The following MVK variants were observed in gnomAD, a reference collection of about 807,000 sequenced individuals.
MVK encodes mevalonate kinase, also known as LH receptor mRNA-binding protein.
A neutral mutation model predicts 43.2 loss-of-function variants in MVK; 34 were observed. That is an observed-to-expected ratio of 0.79 (90% CI 0.60 to 1.05). MVK has a LOEUF of 1.05. Ranked by LOEUF, MVK falls within the 50% of genes least tolerant of loss-of-function variation. The probability of loss-of-function intolerance (pLI) is 0.00; values close to 1 mark genes in which losing one functional copy is unlikely to be tolerated. For synonymous variants in MVK, 190 were observed against 219.8 expected (o/e 0.86, Z 1.20); for missense variants, 395 against 504.0 (o/e 0.78, Z 2.07).
In MVK at chr12:109,576,097, C is replaced by T. The variant is rs202167435; in HGVS notation, c.178C>T (p.Arg60Trp). ...DLSLPNIGIKRAWDVARLQSL... is the reference protein window; with the variant it reads ...DLSLPNIGIKWAWDVARLQSL... ...CAGCTTACCCAACATTGGTATCAAG[C>T]GGGCCTGGGATGTGGCCAGGCTTCA... Residue 60 changes from arginine (R) to tryptophan (W), a missense_variant, in exon 3 of 11, where the codon CGG becomes TGG. By Grantham distance (101) the Arg-to-Trp change is moderately radical. Coordinates refer to ENST00000228510, the MANE Select transcript of MVK (RefSeq NM_000431.4). The T allele has an allele frequency of 2.5e-5, 40 of 1,614,146 alleles. No homozygotes were observed. The highest frequency in any genetic ancestry group is 5.0e-5 in the Admixed American group (3 of 60,022).
At chr12:109,592,308 C>A (rs1450943049) in intron 9 of MVK, among the ~76,000 whole-genome samples, 2 of 152,192 alleles carry the variant, frequency 1.3e-5, no homozygotes, top group Non-Finnish European at 2.9e-5. Flanking sequence ...AGCCCAGGCT[C>A]CCCCTGGACA....
rs561809093 is a variant in MVK, at chr12:109,597,660, C to G, written c.*1083C>G. 6.6e-6 allele frequency: 1 copy of G among 152,270 alleles called. No homozygotes were observed. Among genetic ancestry groups the G allele is most frequent in the Non-Finnish European group, 1.5e-5 (1 of 68,132 alleles). 9.4% of individuals were successfully genotyped at this position (152,270 alleles called of 1,614,324 possible). On this transcript the variant is annotated 3_prime_UTR_variant, in exon 11 of 11. Transcript: ENST00000228510. Reference sequence around the variant, plus strand: ...CCCGGGTGCCTGGCACTCCCCACCCCCGCCCCCCACCGGCCCTATTTGAAC... The same window carrying G: ...CCCGGGTGCCTGGCACTCCCCACCCGCGCCCCCCACCGGCCCTATTTGAAC...
Position 109,595,170 on chromosome 12 carries a change from T to A in MVK, c.1028T>A (p.Leu343His). 1.9e-6 allele frequency: 3 copies of A among 1,613,724 alleles called. No individual in the cohort carries two copies. Among genetic ancestry groups the A allele is most frequent in the Non-Finnish European group, 2.5e-6 (3 of 1,179,892 alleles). ...GGCGGTGGTGGCTGTGGCATCACAC[T>A]CCTCAAGCCAGGTATCCCGGGGGTA... is the stretch of plus-strand genomic sequence containing the variant. ...GAGGGGCGIT[L>H]LKPGLEQPEV... The change falls in exon 10 of 11, where the codon CTC becomes CAC. Residue 343 changes from leucine (L) to histidine (H), a missense_variant. By Grantham distance (99) the Leu-to-His change is moderately conservative (BLOSUM62 -3). Coordinates refer to ENST00000228510, the MANE Select transcript of MVK (RefSeq NM_000431.4). The surrounding 1 kb of genome is among the most constrained non-coding windows in gnomAD (Gnocchi z 5.9).
At chr12:109,576,190 G>T in intron 3 of MVK, 45 bp downstream of exon 3, 1 of 1,612,552 alleles carries the variant, frequency 6.2e-7, no homozygotes, top group Non-Finnish European at 8.5e-7. Flanking sequence ...AGCCTACAGA[G>T]AGGGCAGCTG....
intron 5 of MVK, among the ~76,000 whole-genome samples, chr12:109,583,898 C>G (rs1194869898): frequency 6.6e-6 from 1 of 152,198 alleles, no homozygotes; most frequent in Non-Finnish European, 1.5e-5. Context: ...CTGTTTTGCT[C>G]CCTACTAGGA....
intron 4 of MVK, 80 bp from the exon 5 acceptor site, chr12:109,581,315 C>T: frequency 6.3e-7 from 1 of 1,584,466 alleles, no homozygotes; most frequent in Admixed American, 1.7e-5. Context: ...TGGAGTCAGG[C>T]CTGGGCCTGG....
Position 109,596,432 on chromosome 12 carries a change from A to T in MVK, c.1046A>T (p.Glu349Val). 6.2e-7 allele frequency: 1 copy of T among 1,613,378 alleles called. No individual in the cohort carries two copies. Residue 349 changes from glutamate (E) to valine (V), a missense_variant, in exon 11 of 11, where the codon GAG becomes GTG. By Grantham distance (121) the Glu-to-Val change is moderately radical. Transcript: ENST00000228510. The stretch of plus-strand genomic sequence containing the variant: ...CTGCCTTCCCTCCCCGCAGGGCTGG[A>T]GCAGCCAGAAGTGGAGGCCACGAAG... ...CGITLLKPGL[E>V]QPEVEATKQA...
chr12:109,576,713 A>C (rs1224053596), intron 3 of MVK, among the ~76,000 whole-genome samples: 5 of 152,106 alleles, frequency 3.3e-5, no homozygotes, highest in Non-Finnish European at 2.9e-5. Flanking sequence ...TCTACTAAAA[A>C]TACAAAAATT....
At chr12:109,583,689 G>C (rs1384680322) in intron 5 of MVK, among the ~76,000 whole-genome samples, 1 of 152,150 alleles carries the variant, frequency 6.6e-6, no homozygotes, top group East Asian at 1.9e-4. Flanking sequence ...CTTCCACAAT[G>C]GTTGAACTAG....
rs1885927078 is a variant in MVK at position 109,596,632 on chromosome 12, G to A, written c.*55G>A. The A allele has an allele frequency of 1.3e-6, 2 of 1,593,118 alleles. No homozygotes were observed. Among genetic ancestry groups the A allele is most frequent in the East Asian group, 2.2e-5 (1 of 44,720 alleles). On this transcript the variant is annotated 3_prime_UTR_variant, in exon 11 of 11. Coordinates refer to ENST00000228510, the MANE Select transcript of MVK (RefSeq NM_000431.4). ...AGATGCCCCTTTCTGGATTATTCTG[G>A]GGGCTGCAGTTCGACTCTGTGCTGG...
intron 5 of MVK, among the ~76,000 whole-genome samples, chr12:109,584,700 C>T (rs1321788680): frequency 1.3e-5 from 2 of 152,064 alleles, no homozygotes; most frequent in Non-Finnish European, 2.9e-5. Context: ...GCCTGGCCAA[C>T]ACAGCAAAAA....
chr12:109,580,748 C>T (rs529125117), intron 4 of MVK, among the ~76,000 whole-genome samples: 2 of 152,272 alleles, frequency 1.3e-5, no homozygotes, highest in South Asian at 4.1e-4. Flanking sequence ...ACAGTTCTTG[C>T]TTGGGGGAAA....
chr12:109,588,570 C>T (rs1458648493), intron 7 of MVK: 1 of 152,346 alleles, frequency 6.6e-6, no homozygotes, highest in Non-Finnish European at 1.5e-5. Flanking sequence ...TTGAGTCCAG[C>T]TCTCCCACTT....
chr12:109,592,983 TAC>T (rs1885748045), intron 9 of MVK, among the ~76,000 whole-genome samples: 1 of 152,240 alleles, frequency 6.6e-6, no homozygotes, highest in South Asian at 2.1e-4. Context: ...ACGTTGATTA[TAC>T]ATTGTGTGTA....
At chr12:109,590,161 G>A (rs928344231) in intron 7 of MVK, 3 of 175,430 alleles carry the variant, frequency 1.7e-5, no homozygotes, top group East Asian at 2.8e-4. Context: ...GGCACTGCCC[G>A]CACCAGCTAG....
At chr12:109,586,402 C>T (rs756211557) in intron 6 of MVK, among the ~76,000 whole-genome samples, 7 of 152,122 alleles carry the variant, frequency 4.6e-5, no homozygotes, top group South Asian at 2.1e-4. Flanking sequence ...GAGCCGTTGC[C>T]GTGGAGTTTG....
At position 109,574,659 on chromosome 12, in the gene MVK, C is replaced by G. The variant is rs1314613049; in HGVS notation, c.-14-150C>G. On this transcript the variant is annotated intron_variant, in intron 1 of 10. Coordinates refer to ENST00000228510, the MANE Select transcript of MVK (RefSeq NM_000431.4). ...ATCTGTTGGATGTGTCCAGTTGACT[C>G]CTGCATTGCCTTTCTGGTACGTAGC... 5 of 701,626 alleles carry G rather than the reference C, an allele frequency of 7.1e-6. No homozygotes were observed. In the East Asian group the frequency reaches 1.1e-4, roughly 15 times the overall value. The allele number at this position is 701,626 out of a possible 1,614,324, so 43.5% of individuals were successfully genotyped here. A position where few individuals can be genotyped will look rare whatever the true frequency, so the allele number is the denominator to read the frequency against.
At position 109,591,365 on chromosome 12, in the gene MVK, C is replaced by G. The variant is rs1490126255; in HGVS notation, c.885+8C>G. On this transcript the variant is annotated splice_region_variant and intron_variant, in intron 9 of 10. Coordinates refer to ENST00000228510, the MANE Select transcript of MVK (RefSeq NM_000431.4). ...CAGTACCTCGTGCTGGAAGTAAGAG[C>G]CTGTCTGCAGGAACCGGGGTTACTG... 2 of 1,612,414 alleles carry G rather than the reference C, an allele frequency of 1.2e-6. No individual in the cohort carries two copies. The highest frequency in any genetic ancestry group is 1.7e-5 in the Admixed American group (1 of 60,004).
intron 7 of MVK, chr12:109,590,367 G>A (rs1340049307): frequency 3.0e-6 from 1 of 333,088 alleles, no homozygotes; most frequent in Non-Finnish European, 5.9e-6. Context: ...TGCTCCAACT[G>A]CCAGAAATCC....
Sources: allele counts gnomAD v4.1 joint callset (sites outside exome capture counted in the v4.1 genomes callset), GRCh38; gene constraint gnomAD v4.1.1; non-coding constraint Gnocchi (gnomAD v3.1); transcripts MANE v1.5; gene names NCBI Gene and HGNC (gene_info 2026-07-23, HGNC 2026-07-21).